The following FAHD1 variants were observed in gnomAD, a reference collection of about 807,000 sequenced individuals.
FAHD1 encodes the protein FAH domain containing oxaloacetate decarboxylase 1, also known as oxaloacetate tautomerase FAHD1, mitochondrial.
Under a neutral mutation model 12.7 loss-of-function variants are expected in FAHD1, and 14 were observed. The ratio of observed to expected loss-of-function variants is 1.10; its 90% confidence interval spans 0.73 to 1.72. FAHD1 has a LOEUF of 1.72. FAHD1 is among the 40% of genes most tolerant of loss of function. FAHD1 has a pLI of 0.00. For missense variants in FAHD1, 351 were observed against 298.9 expected (o/e 1.17, Z -1.29); for synonymous variants, 153 against 124.9 (o/e 1.22, Z -1.50).
downstream of FAHD1, among the ~76,000 whole-genome samples, chr16:1,830,114 G>A (rs1336824885): frequency 6.6e-6 from 1 of 152,162 alleles, no homozygotes; most frequent in Non-Finnish European, 1.5e-5. Flanking sequence ...CCACCCGCCT[G>A]GGCGTCCCAA....
In FAHD1 at chr16:1,837,255, G is replaced by A. The variant is rs1027267047; in HGVS notation, c.628-761G>A. Among the ~76,000 whole-genome samples, 3 of 148,424 alleles carry A rather than the reference G, an allele frequency of 2.0e-5. No individual in the cohort carries two copies. The South Asian group carries it at 6.6e-4, about 33-fold the overall frequency. On this transcript the variant is annotated intron_variant, in intron 1 of 2. Transcript: ENST00000382666. ...TGAGGTGTGGTGGGATTAGGATTCA[G>A]ACCAAATCTGTCTCCCCGCAACAAC... is the stretch of plus-strand genomic sequence containing the variant.
chr16:1,829,685 T>G (rs1183603360), downstream of FAHD1, among the ~76,000 whole-genome samples: 1 of 152,182 alleles, frequency 6.6e-6, no homozygotes, highest in Non-Finnish European at 1.5e-5. Flanking sequence ...TGGCAATGCA[T>G]GTAATTACAG....
intron 1 of FAHD1, chr16:1,837,646 A>G: frequency 2.0e-6 from 1 of 491,078 alleles, no homozygotes; most frequent in Non-Finnish European, 3.6e-6. Context: ...TGCTTTTAGG[A>G]TAGCTGAATC....
chr16:1,836,469 C>T (rs1898751370), intron 1 of FAHD1, among the ~76,000 whole-genome samples: 1 of 152,150 alleles, frequency 6.6e-6, no homozygotes, highest in African/African-American at 2.4e-5. Context: ...CGGTCAAGGA[C>T]CTAAGCATGC....
At chr16:1,829,430 G>A (rs1898583712), downstream of FAHD1, among the ~76,000 whole-genome samples, 1 of 152,146 alleles carries the variant, frequency 6.6e-6, no homozygotes, top group Admixed American at 6.5e-5. Context: ...TGCGAAGGCT[G>A]GCTAAAGTCA....
intron 1 of FAHD1, among the ~76,000 whole-genome samples, chr16:1,835,070 T>C (rs1898705662): frequency 6.6e-6 from 1 of 151,324 alleles, no homozygotes; most frequent in Non-Finnish European, 1.5e-5. Flanking sequence ...GCCTGGCCAA[T>C]AAAGTGAAAC....
At chr16:1,827,509 G>C in exon 1 of FAHD1, 1 of 1,613,022 alleles carries the variant, frequency 6.2e-7, no homozygotes, top group Non-Finnish European at 8.5e-7. Context: ...CATGGACTAC[G>C]TGGGCGGCTA....
intron 2 of FAHD1, chr16:1,838,229 G>C (rs926206475): frequency 4.8e-6 from 2 of 420,632 alleles, no homozygotes; most frequent in Non-Finnish European, 8.4e-6. Flanking sequence ...TGAACTCCTG[G>C]CCTCAAGTGA....
At chr16:1,832,156 G>A (rs11641144), downstream of FAHD1, among the ~76,000 whole-genome samples, 26,169 of 147,830 alleles carry the variant, frequency 0.18, 2,492 homozygotes, top group South Asian at 0.27. Flanking sequence ...AGCTAAGGCT[G>A]GGCATCATGG....
intron 1 of FAHD1, among the ~76,000 whole-genome samples, chr16:1,835,262 CAAA>C (rs372656598): frequency 1.9e-5 from 2 of 106,152 alleles, no homozygotes; most frequent in Non-Finnish European, 4.0e-5. Context: ...GACTGTGTCT[CAAA>C]AAAAAAAAAA....
At chr16:1,837,808 C>T in intron 1 of FAHD1, 1 of 1,534,932 alleles carries the variant, frequency 6.5e-7, no homozygotes, top group Non-Finnish European at 8.8e-7. Context: ...TGCTTCTTTC[C>T]AAGAGAAATT....
chr16:1,839,518 T>A, exon 3 of FAHD1: 1 of 1,304,786 alleles, frequency 7.7e-7, no homozygotes, highest in Non-Finnish European at 1.1e-6. Flanking sequence ...GAATTGTCAC[T>A]AAAAACTCTA....
chr16:1,833,446 C>T (rs1327313741), downstream of FAHD1, among the ~76,000 whole-genome samples: 4 of 151,932 alleles, frequency 2.6e-5, no homozygotes, highest in South Asian at 2.1e-4. Flanking sequence ...GGATTGCCCA[C>T]GACTTTGGCT....
intron 1 of FAHD1, among the ~76,000 whole-genome samples, chr16:1,836,908 A>G (rs1282093078): frequency 6.6e-6 from 1 of 152,196 alleles, no homozygotes; most frequent in Non-Finnish European, 1.5e-5. Flanking sequence ...AGATATAACC[A>G]CACAAACGGG....
At chr16:1,833,311 A>G (rs1309068138), downstream of FAHD1, among the ~76,000 whole-genome samples, 1 of 152,118 alleles carries the variant, frequency 6.6e-6, no homozygotes, top group Non-Finnish European at 1.5e-5. Context: ...GTCTCCTCCC[A>G]GTTGATTCAG....
chr16:1,831,290 G>A (rs1898616661), downstream of FAHD1, among the ~76,000 whole-genome samples: 1 of 152,176 alleles, frequency 6.6e-6, no homozygotes, highest in Non-Finnish European at 1.5e-5. Context: ...CTAAGATGGG[G>A]ATTCTTGTTC....
chr16:1,836,230 T>C (rs1037455219), intron 1 of FAHD1, among the ~76,000 whole-genome samples: 4 of 152,210 alleles, frequency 2.6e-5, no homozygotes, highest in African/African-American at 9.7e-5. Flanking sequence ...ATTTGTAAAA[T>C]ACTGTGTTAC....
At chr16:1,827,243 C>T (rs773969752) in exon 1 of FAHD1, 2 of 1,602,792 alleles carry the variant, frequency 1.2e-6, no homozygotes, top group East Asian at 4.5e-5. Context: ...GGAATCATGG[C>T]AGCATCCAGG....
intron 2 of FAHD1, chr16:1,839,127 AT>A (rs144626961): frequency 8.9e-7 from 1 of 1,124,744 alleles, no homozygotes; most frequent in Non-Finnish European, 1.2e-6. Flanking sequence ...AAGCAAGATG[AT>A]TTTTTCCCAG....
Sources: gnomAD v4.1 joint callset for allele counts (sites outside exome capture counted in the v4.1 genomes callset) on GRCh38, gnomAD v4.1.1 for gene constraint, MANE v1.5 for transcripts, NCBI Gene and HGNC (gene_info 2026-07-23, HGNC 2026-07-21) for gene names.